F11: variants seen among roughly 807,000 people sequenced by gnomAD.
F11 encodes coagulation factor XI, also known as coagualtion factor XI.
F11 carries 78 observed loss-of-function variants against 76.5 expected under a neutral mutation model. The observed-to-expected ratio is 1.02, with a 90% CI of 0.85 to 1.23. The LOEUF is 1.23. F11 is among the 50% of genes most tolerant of loss of function. The probability of loss-of-function intolerance (pLI) is 0.00; values close to 1 mark genes in which losing one functional copy is unlikely to be tolerated. For synonymous variants in F11, 278 were observed against 276.3 expected (o/e 1.01, Z -0.06); for missense variants, 742 against 771.4 (o/e 0.96, Z 0.45).
intron 12 of F11, chr4:186,286,073 A>G: frequency 1.8e-6 from 1 of 560,188 alleles, no homozygotes; most frequent in South Asian, 2.1e-5. Context: ...ATTTCATAAT[A>G]CTTTGGAATA....
intron 5 of F11, chr4:186,275,006 C>A: frequency 3.8e-6 from 1 of 262,848 alleles, no homozygotes; most frequent in Non-Finnish European, 7.9e-6. Context: ...AACAAAGCAT[C>A]AACGAGTTAT....
At chr4:186,277,486 T>C (rs1424527925) in intron 7 of F11, among the ~76,000 whole-genome samples, 1 of 152,204 alleles carries the variant, frequency 6.6e-6, no homozygotes, top group East Asian at 1.9e-4. Flanking sequence ...TGTCTAGTTC[T>C]AAATGAAATG....
chr4:186,275,063 T>C (rs1213326876), intron 5 of F11: 1 of 375,418 alleles, frequency 2.7e-6, no homozygotes, highest in African/African-American at 2.1e-5. Flanking sequence ...ACCCCTAAAT[T>C]CATGATTTGA....
In F11 at chr4:186,280,461, T is replaced by C. The variant is rs1740715870; in HGVS notation, c.1029-13T>C. The C allele has an allele frequency of 6.2e-7, 1 of 1,614,080 alleles. No homozygotes were observed. The highest frequency in any genetic ancestry group is 8.5e-7 in the Non-Finnish European group (1 of 1,180,026). The stretch of plus-strand genomic sequence containing the variant: ...GGTGCATTATGTTTATACCGTTTTG[T>C]TTCCAACTGCAGGGGCAAGTGTTAC... On this transcript the variant is annotated splice_polypyrimidine_tract_variant and intron_variant, in intron 9 of 14. Transcript: ENST00000403665.
rs148825758 is a variant in F11 at position 186,280,324 on chromosome 4, A to T, written c.967A>T (p.Asn323Tyr). The change falls in exon 9 of 15, where the codon AAT (asparagine) becomes TAT (tyrosine). Residue 323 changes from asparagine (N) to tyrosine (Y), a missense_variant. Asn to Tyr is a moderately radical substitution (Grantham distance 143). Transcript: ENST00000403665. ...CGAGGCCTGCCAGAAACTGTGCACC[A>T]ATGCCGTCCGCTGCCAGTTTTTTAC... ...SHEACQKLCT[N>Y]AVRCQFFTYT... The T allele has an allele frequency of 5.0e-6, 8 of 1,614,082 alleles. No individual in the cohort carries two copies. In the African/African-American group the frequency reaches 9.3e-5, roughly 19 times the overall value.
intron 2 of F11, 87 bp from the exon 3 acceptor site, chr4:186,271,522 A>G: frequency 7.0e-7 from 1 of 1,433,144 alleles, no homozygotes; most frequent in Non-Finnish European, 9.9e-7. Context: ...AAGTAGAGCT[A>G]CTTGCCTTGC....
chr4:186,280,362 C>T lies in F11; in HGVS notation c.1005C>T (p.Ala335=). ...GCCAGTTTTTTACCTATACCCCAGC[C>T]CAAGCATCCTGCAACGAAGGGAAGT... is the stretch of plus-strand genomic sequence containing the variant. ...VRCQFFTYTP[A]QASCNEGKGK... The change falls in exon 9 of 15, where the codon GCC becomes GCT. Residue 335 remains alanine, a synonymous_variant. Coordinates refer to ENST00000403665, the MANE Select transcript of F11 (RefSeq NM_000128.4). The T allele has an allele frequency of 6.2e-7, 1 of 1,614,198 alleles. No individual in the cohort carries two copies. The highest frequency in any genetic ancestry group is 8.5e-7 in the Non-Finnish European group (1 of 1,180,046).
At chr4:186,276,485 T>C in intron 7 of F11, 95 bp downstream of exon 7, 2 of 1,396,902 alleles carry the variant, frequency 1.4e-6, no homozygotes, top group Non-Finnish European at 2.0e-6. Context: ...AAATTTACTC[T>C]AAATGTCAGT....
intron 2 of F11, among the ~76,000 whole-genome samples, chr4:186,270,186 G>T (rs1479716842): frequency 2.0e-5 from 3 of 152,206 alleles, no homozygotes; most frequent in Non-Finnish European, 4.4e-5. Context: ...AATTAAATGA[G>T]TAAGAAGTCT....
chr4:186,271,474 T>C (rs1002272059), intron 2 of F11, 135 bp from the exon 3 acceptor site: 67 of 943,484 alleles, frequency 7.1e-5, no homozygotes, highest in Non-Finnish European at 1.0e-4. Context: ...TAAAAGTGTT[T>C]ATTGCCTTGA....
At chr4:186,276,469 A>G (rs1740391414) in intron 7 of F11, 79 bp downstream of exon 7, 5 of 1,544,096 alleles carry the variant, frequency 3.2e-6, no homozygotes, top group Non-Finnish European at 4.5e-6. Context: ...AATTCCAAGT[A>G]ACTAAAAATT....
intron 7 of F11, among the ~76,000 whole-genome samples, chr4:186,278,729 T>C (rs529268581): frequency 3.9e-5 from 6 of 152,310 alleles, no homozygotes; most frequent in African/African-American, 9.6e-5. Context: ...AAGGGTTGAA[T>C]TGGCAACTGG....
chr4:186,283,252 CGTGT>C (rs10661556), intron 10 of F11, among the ~76,000 whole-genome samples: 1 of 151,350 alleles, frequency 6.6e-6, no homozygotes, highest in Non-Finnish European at 1.5e-5. Context: ...TTTGTGTGCA[CGTGT>C]GTGTGTGTGT....
intron 4 of F11, 74 bp from the exon 5 acceptor site, chr4:186,274,042 T>G (rs1740179855): frequency 6.4e-7 from 1 of 1,554,240 alleles, no homozygotes. Context: ...AAAGGATGAG[T>G]CAGGAGGGAC....
intron 7 of F11, 102 bp downstream of exon 7, chr4:186,276,492 C>A: frequency 7.4e-7 from 1 of 1,345,238 alleles, no homozygotes; most frequent in Non-Finnish European, 1.0e-6. Flanking sequence ...CTCTAAATGT[C>A]AGTATAGGAT....
Position 186,288,433 on chromosome 4 carries a change from C to G in F11, c.1717-20C>G. 6.2e-7 allele frequency: 1 copy of G among 1,613,994 alleles called. No individual in the cohort carries two copies. Among genetic ancestry groups the G allele is most frequent in the Non-Finnish European group, 8.5e-7 (1 of 1,179,902 alleles). ...GTCTGAGTTGATCTGTGCACCTTTT[C>G]TTGTCTCCCCTCGTTCTAGGGAGAT... On this transcript the variant is annotated intron_variant, in intron 14 of 14. Transcript: ENST00000403665.
chr4:186,287,913 G>GT (rs938271244), intron 14 of F11, 90 bp downstream of exon 14: 3,574 of 1,443,382 alleles, frequency 2.5e-3, no homozygotes, highest in East Asian at 3.1e-3. Context: ...TTTTTTGTTT[G>GT]TTTTTTTTTG....
At chr4:186,290,361 G>A (rs1401566015), downstream of F11, among the ~76,000 whole-genome samples, 1 of 152,136 alleles carries the variant, frequency 6.6e-6, no homozygotes, top group African/African-American at 2.4e-5. Context: ...AGGACATGAC[G>A]GGGCCAGATC....
chr4:186,273,075 A>C lies in F11; in HGVS notation c.223A>C (p.Thr75Pro). 2 of 1,605,566 alleles carry C rather than the reference A, an allele frequency of 1.2e-6. No individual in the cohort carries two copies. The highest frequency in any genetic ancestry group is 1.7e-6 in the Non-Finnish European group (2 of 1,172,356). Residue 75 changes from threonine to proline, a missense_variant, in exon 4 of 15, where the codon ACT (threonine) becomes CCT (proline). Transcript: ENST00000403665. The part of the protein sequence containing the change: ...SPSEDPTRWF[T>P]CVLKDSVTET... ...ATGTATTTTTTAAAAAAACAGGTTT[A>C]CTTGTGTCCTGAAAGACAGTGTTAC...
Sources: gnomAD v4.1 joint callset for allele counts (sites outside exome capture counted in the v4.1 genomes callset) on GRCh38, gnomAD v4.1.1 for gene constraint, MANE v1.5 for transcripts, NCBI Gene and HGNC (gene_info 2026-07-23, HGNC 2026-07-21) for gene names.